QTMAN: variants seen among roughly 807,000 people sequenced by gnomAD.
The protein encoded by QTMAN is queuosine-tRNA mannosyltransferase.
the QTMAN span, among the ~76,000 whole-genome samples, chr2:143,967,127 G>C: frequency 6.6e-6 from 1 of 152,138 alleles, no homozygotes. Flanking sequence ...TATAAAATGG[G>C]ATAGGGTAAT....
chr2:143,957,372 TTAA>T, the QTMAN span: 13 of 1,418,222 alleles, frequency 9.2e-6, no homozygotes, highest in Non-Finnish European at 1.2e-5. Flanking sequence ...ATTCATCTAT[TTAA>T]TATAGTGTAA....
At chr2:144,097,693 C>T in the QTMAN span, among the ~76,000 whole-genome samples, 19 of 152,242 alleles carry the variant, frequency 1.2e-4, no homozygotes, top group Non-Finnish European at 2.6e-4. Context: ...AAATACTCTC[C>T]CCACTGCCCC....
the QTMAN span, among the ~76,000 whole-genome samples, chr2:144,329,586 G>C: frequency 1.3e-5 from 2 of 152,146 alleles, no homozygotes; most frequent in African/African-American, 2.4e-5. Flanking sequence ...TATTATTTTA[G>C]CTCACCTAAG....
chr2:144,219,819 C>A, the QTMAN span, among the ~76,000 whole-genome samples: 1 of 151,978 alleles, frequency 6.6e-6, no homozygotes, highest in Non-Finnish European at 1.5e-5. Context: ...GAGACCCTGT[C>A]TCAGAAAAAA....
chr2:144,164,046 C>G, the QTMAN span, among the ~76,000 whole-genome samples: 5 of 152,082 alleles, frequency 3.3e-5, no homozygotes, highest in African/African-American at 1.2e-4. Flanking sequence ...CCTCAGCCAC[C>G]CAAGTAGCTG....
the QTMAN span, among the ~76,000 whole-genome samples, chr2:144,324,853 T>C: frequency 7.5e-6 from 1 of 133,250 alleles, no homozygotes; most frequent in Non-Finnish European, 1.6e-5. Context: ...TGCTTCCATT[T>C]AAAAAAAAAA....
the QTMAN span, among the ~76,000 whole-genome samples, chr2:144,215,384 A>G: frequency 6.6e-6 from 1 of 151,970 alleles, no homozygotes; most frequent in African/African-American, 2.4e-5. Flanking sequence ...AAACTCCACA[A>G]GCATCAAATG....
the QTMAN span, among the ~76,000 whole-genome samples, chr2:144,045,126 A>G: frequency 3.9e-5 from 6 of 152,208 alleles, no homozygotes; most frequent in Non-Finnish European, 5.9e-5. Context: ...ATGCTAGAGA[A>G]ATTTTAAAGA....
the QTMAN span, among the ~76,000 whole-genome samples, chr2:144,125,706 T>A: frequency 1.3e-5 from 2 of 152,028 alleles, no homozygotes; most frequent in Non-Finnish European, 2.9e-5. Context: ...CATAACATAT[T>A]TAGAAAATAC....
At chr2:144,118,309 A>G in the QTMAN span, among the ~76,000 whole-genome samples, 7 of 152,314 alleles carry the variant, frequency 4.6e-5, no homozygotes, top group Admixed American at 4.6e-4. Flanking sequence ...TGGCATCTGA[A>G]AAGTTACAGT....
the QTMAN span, among the ~76,000 whole-genome samples, chr2:144,123,376 T>C: frequency 6.6e-6 from 1 of 152,154 alleles, no homozygotes; most frequent in East Asian, 1.9e-4. Context: ...CTCTAAGGCA[T>C]TTTTTGGAGT....
the QTMAN span, chr2:144,007,300 C>G: frequency 6.2e-7 from 1 of 1,613,150 alleles, no homozygotes; most frequent in Non-Finnish European, 8.5e-7. Context: ...CTTGAATTAT[C>G]TGACGAGGTG....
At chr2:144,054,537 T>A in the QTMAN span, among the ~76,000 whole-genome samples, 52 of 152,314 alleles carry the variant, frequency 3.4e-4, no homozygotes, top group African/African-American at 1.2e-3. Flanking sequence ...TATTTTTAGA[T>A]AAATCACAGT....
chr2:144,148,674 T>C, the QTMAN span, among the ~76,000 whole-genome samples: 1 of 151,828 alleles, frequency 6.6e-6, no homozygotes, highest in Non-Finnish European at 1.5e-5. Context: ...TTCTACCACA[T>C]GTCCCCCTAC....
chr2:144,051,897 G>A, the QTMAN span, among the ~76,000 whole-genome samples: 3 of 152,182 alleles, frequency 2.0e-5, no homozygotes, highest in South Asian at 6.2e-4. Flanking sequence ...GTGGAAGATG[G>A]AAGTAGGAGA....
At chr2:143,956,509 T>C in the QTMAN span, among the ~76,000 whole-genome samples, 31 of 152,184 alleles carry the variant, frequency 2.0e-4, no homozygotes, top group African/African-American at 7.5e-4. Context: ...TTAATATATA[T>C]GTGCTTGTTT....
chr2:144,078,875 G>C, the QTMAN span, among the ~76,000 whole-genome samples: 1 of 152,082 alleles, frequency 6.6e-6, no homozygotes, highest in Non-Finnish European at 1.5e-5. Flanking sequence ...CCTTCCCAAG[G>C]GGTGAAGTCT....
chr2:144,141,497 T>G, the QTMAN span, among the ~76,000 whole-genome samples: 5 of 150,398 alleles, frequency 3.3e-5, no homozygotes, highest in Non-Finnish European at 5.9e-5. Flanking sequence ...TAACATTGAC[T>G]TATCTAGACC....
At chr2:144,290,550 C>T in the QTMAN span, among the ~76,000 whole-genome samples, 1 of 152,148 alleles carries the variant, frequency 6.6e-6, no homozygotes, top group African/African-American at 2.4e-5. Flanking sequence ...CTTTCCATAT[C>T]AATGCATATA....
Sources: allele counts gnomAD v4.1 joint callset (sites outside exome capture counted in the v4.1 genomes callset), GRCh38; gene constraint gnomAD v4.1.1; transcripts MANE v1.5; gene names NCBI Gene and HGNC (gene_info 2026-07-23, HGNC 2026-07-21).